Variants in RIMS1 observed in about 807,000 individuals in gnomAD.
RIMS1 encodes the protein regulating synaptic membrane exocytosis 1, also known as regulating synaptic membrane exocytosis protein 1.
In RIMS1, 83 loss-of-function variants were observed where a neutral mutation model predicts 214.1. That is an observed-to-expected ratio of 0.39 (90% CI 0.32 to 0.47). RIMS1 has a LOEUF of 0.47. Ranked by LOEUF, RIMS1 falls within the 20% of genes least tolerant of loss-of-function variation. RIMS1 has a pLI of 0.99. For missense variants in RIMS1, 2,050 were observed against 2,161.8 expected, an observed-to-expected ratio of 0.95 and a Z score of 1.03; for synonymous variants, 793 against 786.8, an observed-to-expected ratio of 1.01 and a Z score of -0.13.
intron 1 of RIMS1, among the ~76,000 whole-genome samples, chr6:71,903,174 A>C (rs1308627424): frequency 6.6e-6 from 1 of 151,868 alleles, no homozygotes; most frequent in African/African-American, 2.4e-5. Context: ...TTTCTCTGCA[A>C]CCCCACCAGC....
At chr6:72,088,396 C>A (rs1242363532) in intron 2 of RIMS1, among the ~76,000 whole-genome samples, 2 of 151,900 alleles carry the variant, frequency 1.3e-5, no homozygotes, top group Non-Finnish European at 2.9e-5. Context: ...TTACAGGCGC[C>A]TGCCACCACA....
intron 2 of RIMS1, among the ~76,000 whole-genome samples, chr6:71,979,060 C>A (rs1051161971): frequency 2.0e-5 from 3 of 152,034 alleles, no homozygotes; most frequent in African/African-American, 7.2e-5. Flanking sequence ...TCTTACAAAG[C>A]CCCTTGTTCT....
rs1357324362 is a variant in RIMS1 at position 72,313,669 on chromosome 6, T to C, written c.4127T>C (p.Ile1376Thr). ...SEQSERPRGR[I>T]SSFTPKMQGR... ...CAATCTGAGCGCCCCAGGGGTAGAA[T>C]CAGGTGAGTTGGCAATACTGTTTAT... Residue 1376 changes from isoleucine (I) to threonine (T), a missense_variant, in exon 28 of 34, where the codon ATC (isoleucine) becomes ACC (threonine). Coordinates refer to ENST00000521978, the MANE Select transcript of RIMS1 (RefSeq NM_014989.7). The C allele has an allele frequency of 6.2e-7, 1 of 1,611,398 alleles. No individual in the cohort carries two copies.
At position 71,968,934 on chromosome 6, in the gene RIMS1, A is replaced by C; in HGVS notation, c.165-49A>C. Reference sequence around the variant, plus strand: ...CGTGTTTAATTTCTAGATGTGTTCTACCCTTTTTATAATTAATAGTGCGTT... The same window carrying C: ...CGTGTTTAATTTCTAGATGTGTTCTCCCCTTTTTATAATTAATAGTGCGTT... On this transcript the variant is annotated intron_variant, in intron 1 of 33. Transcript: ENST00000521978. 2.7e-6 allele frequency: 4 copies of C among 1,508,886 alleles called. No homozygotes were observed. The South Asian group carries it at 3.4e-5, about 13-fold the overall frequency. The allele number at this position is 1,508,886 out of a possible 1,614,324, so 93.5% of individuals were successfully genotyped here.
chr6:72,355,747 A>G lies in RIMS1; in HGVS notation c.4366+21912A>G, dbSNP rs1355359657. On this transcript the variant is annotated intron_variant, in intron 29 of 33. Coordinates refer to ENST00000521978, the MANE Select transcript of RIMS1 (RefSeq NM_014989.7). ...AGTGGTTTATTGCTTGGTTAAATGA[A>G]TCGTTGAGCTCCCTATGAAGTCTTC... Among the ~76,000 whole-genome samples the G allele has an allele frequency of 2.0e-5, 3 of 152,140 alleles. No individual in the cohort carries two copies. The South Asian group carries it at 6.2e-4, about 32-fold the overall frequency.
intron 6 of RIMS1, among the ~76,000 whole-genome samples, chr6:72,216,276 A>G (rs1255349069): frequency 1.3e-5 from 2 of 152,168 alleles, no homozygotes; most frequent in East Asian, 3.8e-4. Flanking sequence ...AAAAAAATCT[A>G]TTGTATTATG....
At chr6:72,217,148 G>T in intron 6 of RIMS1, 1 of 1,534,312 alleles carries the variant, frequency 6.5e-7, no homozygotes, top group South Asian at 1.2e-5. Context: ...TTAATGATTT[G>T]ATGCCAGTGG....
rs1202809746 is a variant in RIMS1, at chr6:72,005,208, C to G, written c.245+36145C>G. On this transcript the variant is annotated intron_variant, in intron 2 of 33. Coordinates refer to ENST00000521978, the MANE Select transcript of RIMS1 (RefSeq NM_014989.7). Reference sequence around the variant, plus strand: ...ATATGCGGCGTTATTTCTGAGGGCTCTGTTCTGTTCCATTGGTCTATATCT... The same window carrying G: ...ATATGCGGCGTTATTTCTGAGGGCTGTGTTCTGTTCCATTGGTCTATATCT... Among the ~76,000 whole-genome samples the G allele has an allele frequency of 3.3e-5, 5 of 152,182 alleles. No individual in the cohort carries two copies. The East Asian group carries it at 9.6e-4, about 29-fold the overall frequency.
At chr6:72,366,595 T>C (rs2098031325) in intron 29 of RIMS1, 1 of 690,524 alleles carries the variant, frequency 1.4e-6, no homozygotes, top group Non-Finnish European at 1.8e-6. Flanking sequence ...TTACACTTCA[T>C]GGTCTTACAA....
chr6:71,893,950 G>A (rs1770794755), intron 1 of RIMS1, among the ~76,000 whole-genome samples: 1 of 152,062 alleles, frequency 6.6e-6, no homozygotes, highest in South Asian at 2.1e-4. Flanking sequence ...TCTCAATTTT[G>A]AGTTTCAACC....
At chr6:72,351,965 C>T (rs1374959322) in intron 29 of RIMS1, among the ~76,000 whole-genome samples, 2 of 152,084 alleles carry the variant, frequency 1.3e-5, no homozygotes, top group Non-Finnish European at 2.9e-5. Flanking sequence ...AATTGAAACA[C>T]AGAGAGGTAT....
intron 27 of RIMS1, among the ~76,000 whole-genome samples, chr6:72,307,723 G>C (rs1489310953): frequency 2.6e-5 from 4 of 151,848 alleles, no homozygotes; most frequent in Non-Finnish European, 4.4e-5. Context: ...CACCAGCCTG[G>C]GTGACAGAGC....
chr6:72,003,975 C>T (rs1264072969), intron 2 of RIMS1, among the ~76,000 whole-genome samples: 4 of 147,842 alleles, frequency 2.7e-5, no homozygotes, highest in Admixed American at 1.4e-4. Flanking sequence ...CCCATTAACT[C>T]GTCATTTAGC....
rs2078885598 is a variant in RIMS1, at chr6:72,263,300, G to A, written c.3117-1675G>A. ...TAGTAAAACGTGTCTCGAGGAAGTG[G>A]TAGTATAGAGAAAATGCTATAGTTG... On this transcript the variant is annotated intron_variant, in intron 19 of 33. Coordinates refer to ENST00000521978, the MANE Select transcript of RIMS1 (RefSeq NM_014989.7). 4 of 985,130 alleles carry A rather than the reference G, an allele frequency of 4.1e-6. No homozygotes were observed. In the South Asian group the frequency reaches 1.4e-4, roughly 35 times the overall value. The allele number at this position is 985,130 out of a possible 1,614,324, so 61.0% of individuals were successfully genotyped here. A position where few individuals can be genotyped will look rare whatever the true frequency, so the allele number is the denominator to read the frequency against.
chr6:71,998,840 G>A (rs932342328), intron 2 of RIMS1, among the ~76,000 whole-genome samples: 1 of 152,100 alleles, frequency 6.6e-6, no homozygotes, highest in African/African-American at 2.4e-5. Context: ...TCCAGGAGGA[G>A]CTTTAGAATA....
At chr6:72,076,975 C>T (rs1188691325) in intron 2 of RIMS1, among the ~76,000 whole-genome samples, 1 of 152,130 alleles carries the variant, frequency 6.6e-6, no homozygotes, top group African/African-American at 2.4e-5. Context: ...TAAAAAATTC[C>T]CTCCATGGTT....
chr6:72,003,161 G>C (rs569955247), intron 2 of RIMS1, among the ~76,000 whole-genome samples: 1 of 152,148 alleles, frequency 6.6e-6, no homozygotes, highest in Non-Finnish European at 1.5e-5. Flanking sequence ...ACTGTGATAG[G>C]TTGGGTATAG....
At chr6:72,391,383 A>T (rs1310912538) in intron 30 of RIMS1, among the ~76,000 whole-genome samples, 3 of 145,202 alleles carry the variant, frequency 2.1e-5, no homozygotes, top group South Asian at 2.1e-4. Context: ...TTTCATATGG[A>T]TCCTGCACAA....
intron 1 of RIMS1, among the ~76,000 whole-genome samples, chr6:71,918,084 G>A (rs1778959878): frequency 6.6e-6 from 1 of 152,126 alleles, no homozygotes. Context: ...ATTTGGGGCT[G>A]GGGATATAAA....
Sources: gnomAD v4.1 joint callset for allele counts (sites outside exome capture counted in the v4.1 genomes callset) on GRCh38, gnomAD v4.1.1 for gene constraint, MANE v1.5 for transcripts, NCBI Gene and HGNC (gene_info 2026-07-23, HGNC 2026-07-21) for gene names.